The following ULK4 variants were observed in gnomAD, a reference collection of about 807,000 sequenced individuals.
ULK4 encodes the protein inactive serine/threonine-protein kinase ULK4.
Under a neutral mutation model 160.6 loss-of-function variants are expected in ULK4, and 133 were observed. That is an observed-to-expected ratio of 0.83 (90% CI 0.72 to 0.96). The LOEUF is 0.96. Among genes scored for constraint, ULK4 ranks in the 40% least tolerant of loss-of-function variants. The pLI is 0.00. For missense variants in ULK4, 1,580 were observed against 1,499.5 expected (o/e 1.05, Z -0.89); for synonymous variants, 534 against 539.8 (o/e 0.99, Z 0.15).
At chr3:41,932,780 A>G (rs1559659338) in intron 4 of ULK4, among the ~76,000 whole-genome samples, 1 of 152,196 alleles carries the variant, frequency 6.6e-6, no homozygotes, top group Non-Finnish European at 1.5e-5. Context: ...GCAGTGCCTC[A>G]CACCTGTAAT....
chr3:41,771,030 G>C (rs60764195), intron 21 of ULK4, among the ~76,000 whole-genome samples: 18,856 of 152,198 alleles, frequency 0.12, 1,349 homozygotes, highest in Middle Eastern at 0.27. Flanking sequence ...TAAATATTAA[G>C]AGAGAATTAA....
rs561245187 is a variant in ULK4, at chr3:41,718,424, G to C, written c.2322-563C>G. Among the ~76,000 whole-genome samples the C allele has an allele frequency of 2.0e-5, 3 of 152,078 alleles. No homozygotes were observed. In the South Asian group the frequency reaches 6.2e-4, roughly 32 times the overall value. On this transcript the variant is annotated intron_variant, in intron 22 of 36. Coordinates refer to ENST00000301831, the MANE Select transcript of ULK4 (RefSeq NM_017886.4). ...AACTTATTTCTTCTTTCAAACTACT[G>C]GCATTCTTTAAACATTCATTTCTGA...
chr3:41,550,344 C>G (rs189310810), intron 32 of ULK4, among the ~76,000 whole-genome samples: 1 of 152,104 alleles, frequency 6.6e-6, no homozygotes, highest in Non-Finnish European at 1.5e-5. Flanking sequence ...AAGGTATAGA[C>G]TAGCTGAGTG....
At chr3:41,264,185 T>TGAGGCAGA (rs1199497693) in intron 35 of ULK4, among the ~76,000 whole-genome samples, 2 of 152,040 alleles carry the variant, frequency 1.3e-5, no homozygotes, top group Non-Finnish European at 1.5e-5. Context: ...TGGGAACAGG[T>TGAGGCAGA]GAGGCAGAGA....
rs1241858331 is a variant in ULK4, at chr3:41,935,912, T to C, written c.267A>G (p.Gln89=). ...CAACATCTTCTGGGAGGTTTTCATC[T>C]TGAGCAATAACTGTTTTTAAGGAAC... ...TGGSLKTVIA[Q]DENLPEDVVR... is the part of the protein sequence containing the mutation. Residue 89 remains glutamine (Q), a synonymous_variant, in exon 4 of 37, where the codon CAA becomes CAG. Coordinates refer to ENST00000301831, the MANE Select transcript of ULK4 (RefSeq NM_017886.4). 6.2e-7 allele frequency: 1 copy of C among 1,613,894 alleles called. No individual in the cohort carries two copies. The highest frequency in any genetic ancestry group is 8.5e-7 in the Non-Finnish European group (1 of 1,179,962).
intron 32 of ULK4, among the ~76,000 whole-genome samples, chr3:41,518,402 G>T (rs2085820620): frequency 6.6e-6 from 1 of 152,126 alleles, no homozygotes; most frequent in African/African-American, 2.4e-5. Flanking sequence ...TGCACATAAA[G>T]ACATTTGCAA....
chr3:41,500,471 G>C (rs2085160121), intron 32 of ULK4, among the ~76,000 whole-genome samples: 1 of 151,980 alleles, frequency 6.6e-6, no homozygotes, highest in African/African-American at 2.4e-5. Flanking sequence ...AGGGAGGAGG[G>C]GTATTGAGGG....
At chr3:41,570,721 T>C (rs2087943571) in intron 31 of ULK4, among the ~76,000 whole-genome samples, 1 of 152,200 alleles carries the variant, frequency 6.6e-6, no homozygotes, top group African/African-American at 2.4e-5. Flanking sequence ...CCTGTACTCA[T>C]GAGTGAGTGC....
intron 30 of ULK4, among the ~76,000 whole-genome samples, chr3:41,637,681 T>C (rs1046998636): frequency 3.3e-5 from 5 of 152,204 alleles, no homozygotes; most frequent in Non-Finnish European, 7.4e-5. Context: ...TTCCCTTTTC[T>C]CCACACCTTC....
At chr3:41,822,194 T>C (rs1187864976) in intron 18 of ULK4, among the ~76,000 whole-genome samples, 2 of 150,828 alleles carry the variant, frequency 1.3e-5, no homozygotes, top group African/African-American at 2.5e-5. Context: ...TTCATGATCA[T>C]GTCCCTGCCA....
At chr3:41,941,678 G>A (rs1053761029) in intron 2 of ULK4, among the ~76,000 whole-genome samples, 1 of 133,144 alleles carries the variant, frequency 7.5e-6, no homozygotes, top group Non-Finnish European at 1.6e-5. Context: ...GATCCATTGA[G>A]CCCGGGAAGT....
rs556560605 is a variant in ULK4, at chr3:41,559,534, C to A, written c.3226+6491G>T. On this transcript the variant is annotated intron_variant, in intron 32 of 36. Coordinates refer to ENST00000301831, the MANE Select transcript of ULK4 (RefSeq NM_017886.4). ...CTATTTCTCCACATCCTCTCCAGCA[C>A]CTCTTGTTTCCTGACTTTTTAATGA... 2.4e-4 allele frequency among the ~76,000 whole-genome samples: 29 copies of A among 119,888 alleles called. No individual in the cohort carries two copies. The East Asian group carries it at 5.9e-3, about 24-fold the overall frequency. The allele number at this position is 119,888 out of a possible 152,430, so 78.7% of individuals were successfully genotyped here. A position where few individuals can be genotyped will look rare whatever the true frequency, so the allele number is the denominator to read the frequency against.
intron 35 of ULK4, among the ~76,000 whole-genome samples, chr3:41,289,618 G>A (rs1307593501): frequency 6.6e-6 from 1 of 152,106 alleles, no homozygotes; most frequent in East Asian, 1.9e-4. Flanking sequence ...CAGAACCCTG[G>A]GTTGAAGGTG....
At chr3:41,837,566 T>A (rs575465190) in intron 17 of ULK4, among the ~76,000 whole-genome samples, 1,547 of 86,872 alleles carry the variant, frequency 0.018, 11 homozygotes, top group Non-Finnish European at 0.023. Context: ...TATCAATAAC[T>A]TTTTTTTTTT....
intron 18 of ULK4, among the ~76,000 whole-genome samples, chr3:41,821,779 C>T (rs2041154246): frequency 6.6e-6 from 1 of 152,158 alleles, no homozygotes; most frequent in South Asian, 2.1e-4. Flanking sequence ...CCTCACCTTC[C>T]ACTAACTCCT....
intron 2 of ULK4, among the ~76,000 whole-genome samples, chr3:41,951,782 C>G (rs1700303064): frequency 6.6e-6 from 1 of 152,134 alleles, no homozygotes; most frequent in Admixed American, 6.5e-5. Flanking sequence ...GGGCTCTGCC[C>G]TCATAAATAA....
intron 18 of ULK4, among the ~76,000 whole-genome samples, chr3:41,823,197 T>C (rs1004518820): frequency 5.3e-5 from 8 of 151,846 alleles, no homozygotes; most frequent in Non-Finnish European, 1.2e-4. Context: ...ACACAGAAAA[T>C]ACAAACAACT....
intron 17 of ULK4, among the ~76,000 whole-genome samples, chr3:41,852,281 G>T (rs1221764406): frequency 6.6e-6 from 1 of 152,064 alleles, no homozygotes; most frequent in East Asian, 1.9e-4. Flanking sequence ...GGACCAGAAG[G>T]ATTCACAGCC....
chr3:41,782,240 G>A (rs1359084455), intron 21 of ULK4, among the ~76,000 whole-genome samples: 1 of 151,468 alleles, frequency 6.6e-6, no homozygotes, highest in East Asian at 1.9e-4. Context: ...GGTTTGCAGA[G>A]TACCTACTCA....
Sources: gnomAD v4.1 joint callset for allele counts (sites outside exome capture counted in the v4.1 genomes callset) on GRCh38, gnomAD v4.1.1 for gene constraint, MANE v1.5 for transcripts, NCBI Gene and HGNC (gene_info 2026-07-23, HGNC 2026-07-21) for gene names.